The following ANKRD26 variants were observed in gnomAD, a reference collection of about 807,000 sequenced individuals.
ANKRD26 encodes ankyrin repeat domain 26.
A neutral mutation model predicts 208.7 loss-of-function variants in ANKRD26; 141 were observed. The observed-to-expected ratio is 0.68, with a 90% confidence interval of 0.59 to 0.78. The LOEUF is 0.78. Among genes scored for constraint, ANKRD26 ranks in the 30% least tolerant of loss-of-function variants. The pLI is 0.00. For missense variants in ANKRD26, 1,889 were observed against 1,938.7 expected, an observed-to-expected ratio of 0.97 and a Z score of 0.48; for synonymous variants, 636 against 660.4, an observed-to-expected ratio of 0.96 and a Z score of 0.57.
intron 6 of ANKRD26, among the ~76,000 whole-genome samples, chr10:27,081,330 C>G (rs1290946692): frequency 1.3e-5 from 2 of 152,162 alleles, no homozygotes; most frequent in Non-Finnish European, 2.9e-5. Flanking sequence ...CAACCCAGTG[C>G]TGTTTCTCTT....
chr10:27,079,139 C>G lies in ANKRD26; in HGVS notation c.763G>C (p.Asp255His), dbSNP rs1372269983. 7.4e-6 allele frequency: 12 copies of G among 1,613,692 alleles called. No homozygotes were observed. The highest frequency in any genetic ancestry group is 9.3e-6 in the Non-Finnish European group (11 of 1,179,790). The change falls in exon 7 of 34, where the codon GAT becomes CAT. Residue 255 changes from aspartate (D) to histidine (H), a missense_variant. By Grantham distance (81) the Asp-to-His change is moderately conservative. Transcript: ENST00000376087. ...LSRLSGKPGVDDSWPTSDDED... is the reference protein window; with the variant it reads ...LSRLSGKPGVHDSWPTSDDED... The stretch of plus-strand genomic sequence containing the variant: ...TCATCTGAGGTAGGCCATGAATCAT[C>G]AACACCCGGTTTGCCAGAAAGCCTT...
chr10:27,077,376 G>C lies in ANKRD26; in HGVS notation c.1039C>G (p.Pro347Ala). Residue 347 changes from proline to alanine, a missense_variant, in exon 9 of 34, where the codon CCT becomes GCT. Around this residue, in one of 3 missense-constraint regions of ANKRD26, gnomAD observed 1,272 missense variants for 1,273.8 expected, o/e 1.00. Coordinates refer to ENST00000376087, the MANE Select transcript of ANKRD26 (RefSeq NM_014915.3). ...GGGTTTGCTAACGACTTGTGGGAAG[G>C]TTTTGGAAGAAGGTCAGGTGATTGA... ...TYQSPDLLPK[P>A]SHKSLANPGL... is the part of the protein sequence containing the mutation. The C allele has an allele frequency of 6.2e-7, 1 of 1,614,078 alleles. No individual in the cohort carries two copies. The highest frequency in any genetic ancestry group is 1.3e-5 in the African/African-American group (1 of 75,050).
At chr10:27,045,351 G>A (rs991308992) in intron 18 of ANKRD26, among the ~76,000 whole-genome samples, 3 of 151,648 alleles carry the variant, frequency 2.0e-5, no homozygotes, top group Non-Finnish European at 2.9e-5. Flanking sequence ...TTGAACCCAG[G>A]AGACGGAGGT....
chr10:27,060,312 C>T, intron 15 of ANKRD26, 33 bp downstream of exon 15: 1 of 1,500,744 alleles, frequency 6.7e-7, no homozygotes. Flanking sequence ...AACGTACTTC[C>T]TTCCAAGATT....
In ANKRD26 at chr10:27,092,553, A is replaced by T. The variant is rs183237399; in HGVS notation, c.532-41T>A. ...AACAAGTTAAAATGCATAAAATTAC[A>T]TAATTCTCGGCTGAACTGAAAACTC... On this transcript the variant is annotated intron_variant, in intron 3 of 33. Coordinates refer to ENST00000376087, the MANE Select transcript of ANKRD26 (RefSeq NM_014915.3). 2,600 of 1,431,276 alleles carry T rather than the reference A, an allele frequency of 1.8e-3. 5 individuals carry two copies. The highest frequency in any genetic ancestry group is 2.3e-3 in the Non-Finnish European group (2,357 of 1,018,986). 88.7% of individuals were successfully genotyped at this position (1,431,276 alleles called of 1,614,324 possible).
At chr10:27,007,326 A>G (rs879312443) in intron 32 of ANKRD26, among the ~76,000 whole-genome samples, 5 of 152,190 alleles carry the variant, frequency 3.3e-5, no homozygotes, top group African/African-American at 1.2e-4. Flanking sequence ...ATAAAGCTTA[A>G]TCAGTTTTTT....
At chr10:27,013,776 A>G (rs1257196132) in intron 31 of ANKRD26, among the ~76,000 whole-genome samples, 1 of 152,220 alleles carries the variant, frequency 6.6e-6, no homozygotes, top group Admixed American at 6.5e-5. Context: ...GGGGAAAAGA[A>G]GATAGCTGAG....
At chr10:27,092,383 C>T in intron 4 of ANKRD26, 23 bp downstream of exon 4, 1 of 1,566,684 alleles carries the variant, frequency 6.4e-7, no homozygotes, top group Admixed American at 1.7e-5. Flanking sequence ...TTTAAAAATC[C>T]AAAACAAAAC....
At chr10:26,975,402 C>CTTTTTTTTTTTTTT (rs60226106) in exon 6 of ANKRD26, among the ~76,000 whole-genome samples, 57 of 90,462 alleles carry the variant, frequency 6.3e-4, no homozygotes, top group African/African-American at 1.0e-3. Flanking sequence ...CTAATTTTTG[C>CTTTTTTTTTTTTTT]TTTTTTTTTT....
chr10:27,093,257 G>T, intron 3 of ANKRD26, 92 bp downstream of exon 3: 3 of 1,185,140 alleles, frequency 2.5e-6, no homozygotes, highest in Non-Finnish European at 2.4e-6. Context: ...GAATGCTTGC[G>T]CTTCCAAATA....
intron 2 of ANKRD26, 48 bp downstream of exon 2, chr10:27,093,637 T>C: frequency 6.3e-7 from 1 of 1,594,224 alleles, no homozygotes; most frequent in Non-Finnish European, 8.6e-7. Context: ...TCATTCTATG[T>C]ATTTAAGTCA....
intron 1 of ANKRD26, among the ~76,000 whole-genome samples, chr10:27,096,991 G>C (rs2056487828): frequency 6.6e-6 from 1 of 151,490 alleles, no homozygotes; most frequent in Admixed American, 6.6e-5. Flanking sequence ...AGACCAGCCT[G>C]GCCAACAGGG....
rs886046942 is a variant in ANKRD26, at chr10:27,005,448, C to T, written c.*142G>A. 38 of 1,413,376 alleles carry T rather than the reference C, an allele frequency of 2.7e-5. 1 individual carries two copies. In the South Asian group the frequency reaches 5.8e-4, roughly 21 times the overall value. The allele number at this position is 1,413,376 out of a possible 1,614,324, so 87.6% of individuals were successfully genotyped here. A position where few individuals can be genotyped will look rare whatever the true frequency, so the allele number is the denominator to read the frequency against. On this transcript the variant is annotated 3_prime_UTR_variant, in exon 34 of 34. Transcript: ENST00000376087. ...CTTAAAAGTTAAAGAAGCCAAGTAA[C>T]ATTGTTTAAAATACTATATAAATTT...
At chr10:26,984,823 A>T (rs1428882106) in intron 3 of ANKRD26, among the ~76,000 whole-genome samples, 1 of 152,126 alleles carries the variant, frequency 6.6e-6, no homozygotes. Context: ...GACAGGTGAA[A>T]AGCCCCTATG....
intron 1 of ANKRD26, among the ~76,000 whole-genome samples, chr10:27,098,762 G>A (rs1396989931): frequency 6.6e-6 from 1 of 151,740 alleles, no homozygotes; most frequent in Non-Finnish European, 1.5e-5. Flanking sequence ...TGTTAGCCAG[G>A]ATGGTCTCGA....
At chr10:27,076,774 G>A (rs569629852) in intron 9 of ANKRD26, among the ~76,000 whole-genome samples, 5 of 152,062 alleles carry the variant, frequency 3.3e-5, no homozygotes, top group South Asian at 2.1e-4. Flanking sequence ...CGGGAAACAC[G>A]TAACTCCTCT....
intron 5 of ANKRD26, among the ~76,000 whole-genome samples, chr10:26,979,050 A>G (rs1258949228): frequency 1.3e-5 from 2 of 152,070 alleles, no homozygotes; most frequent in Non-Finnish European, 2.9e-5. Context: ...GTGAAACCCC[A>G]TCTCTACTAA....
chr10:27,084,824 G>A (rs373426031), intron 5 of ANKRD26, among the ~76,000 whole-genome samples: 80 of 147,032 alleles, frequency 5.4e-4, no homozygotes, highest in African/African-American at 1.7e-3. Context: ...AGCCGAGATC[G>A]CACCATTATT....
chr10:27,100,370 G>C lies in ANKRD26; in HGVS notation c.-44C>G. ...TCAGAGACACCTCATGTCTCTCTCGGCTCTTAACGGCCTCCGGAGCCCAAC... is the reference window on the plus strand; with the variant it reads ...TCAGAGACACCTCATGTCTCTCTCGCCTCTTAACGGCCTCCGGAGCCCAAC... On this transcript the variant is annotated 5_prime_UTR_variant, in exon 1 of 34. Transcript: ENST00000376087. The C allele has an allele frequency of 6.2e-7, 1 of 1,600,702 alleles. No homozygotes were observed.
Sources: allele counts gnomAD v4.1 joint callset (sites outside exome capture counted in the v4.1 genomes callset), GRCh38; gene constraint gnomAD v4.1.1; regional missense constraint gnomAD v4.1.1; transcripts MANE v1.5; gene names NCBI Gene and HGNC (gene_info 2026-07-23, HGNC 2026-07-21).